The following POM121C variants were observed in gnomAD, a reference collection of about 807,000 sequenced individuals.
POM121C encodes the protein POM121 transmembrane nucleoporin C.
A neutral mutation model predicts 66.4 loss-of-function variants in POM121C; 20 were observed. The observed-to-expected ratio is 0.30, with a 90% CI of 0.21 to 0.44. The LOEUF is 0.44. Among genes scored for constraint, POM121C ranks in the 20% least tolerant of loss-of-function variants. POM121C has a pLI of 1.00. For synonymous variants in POM121C, 286 were observed against 528.0 expected, an observed-to-expected ratio of 0.54 and a Z score of 6.28; for missense variants, 580 against 1,225.7, an observed-to-expected ratio of 0.47 and a Z score of 7.87.
intron 3 of POM121C, chr7:75,442,004 C>A (rs1246762111): frequency 1.7e-6 from 1 of 580,572 alleles, no homozygotes; most frequent in Non-Finnish European, 3.0e-6. Flanking sequence ...ACGGCTGGCA[C>A]ACACCAAGGT....
intron 7 of POM121C, among the ~76,000 whole-genome samples, chr7:75,436,110 G>C (rs368814677): frequency 8.0e-5 from 12 of 150,866 alleles, no homozygotes; most frequent in African/African-American, 2.9e-4. Flanking sequence ...CAACATTTTT[G>C]GTGTAATACA....
Position 75,479,135 on chromosome 7 carries a change from TA to T in POM121C, c.-457-3948del, listed in dbSNP as rs1792206955. Among the ~76,000 whole-genome samples the T allele has an allele frequency of 2.6e-5, 4 of 152,134 alleles. No individual in the cohort carries two copies. The South Asian group carries it at 8.3e-4, about 32-fold the overall frequency. ...GAGAAAAATCCAGCAAAAACACCTTTAAAAGCAAAGACACAATGAAGACATT... is the reference window on the plus strand; with the variant it reads ...GAGAAAAATCCAGCAAAAACACCTTTAAAGCAAAGACACAATGAAGACATT... On this transcript the variant is annotated intron_variant, in intron 1 of 14. Coordinates refer to ENST00000615331, the MANE Select transcript of POM121C (RefSeq NM_001099415.3).
rs782477386 is a variant in POM121C at position 75,421,601 on chromosome 7, C to A, written c.2651G>T (p.Gly884Val). ...STATSTPFTG[G>V]LGQNALGTTG... ...GGTGCCCAGGGCGTTCTGACCTAAG[C>A]CCCCTGTGAAGGGGGTGGAGGTGGC... Residue 884 changes from glycine (G) to valine (V), a missense_variant, in exon 13 of 15, where the codon GGC becomes GTC. Physicochemically the swap from Gly to Val is moderately radical, Grantham distance 109 (BLOSUM62 -3). Coordinates refer to ENST00000615331, the MANE Select transcript of POM121C (RefSeq NM_001099415.3). 6.2e-7 allele frequency: 1 copy of A among 1,613,448 alleles called. No homozygotes were observed. The highest frequency in any genetic ancestry group is 1.7e-5 in the Admixed American group (1 of 60,004).
intron 3 of POM121C, among the ~76,000 whole-genome samples, chr7:75,468,733 T>C (rs1236318245): frequency 2.3e-4 from 35 of 152,258 alleles, no homozygotes; most frequent in African/African-American, 7.2e-4. Flanking sequence ...AAACTTAACA[T>C]GTGCAAAGCC....
rs199591870 is a variant in POM121C, at chr7:75,448,208, G to C, written c.-151-6561C>G. On this transcript the variant is annotated intron_variant, in intron 3 of 14. Transcript: ENST00000615331. ...GCCATAATTGTGCCACTGCATTCCA[G>C]CCTGGGTAACAGAGCGAGACTCTGT... 2.4e-4 allele frequency among the ~76,000 whole-genome samples: 37 copies of C among 152,048 alleles called. No homozygotes were observed. In the East Asian group the frequency reaches 7.1e-3, roughly 29 times the overall value.
chr7:75,446,915 A>G lies in POM121C; in HGVS notation c.-151-5268T>C, dbSNP rs1554474738. 3.5e-5 allele frequency among the ~76,000 whole-genome samples: 5 copies of G among 141,284 alleles called. No homozygotes were observed. In the South Asian group the frequency reaches 7.3e-4, roughly 21 times the overall value. 92.7% of individuals were successfully genotyped at this position (141,284 alleles called of 152,430 possible). On this transcript the variant is annotated intron_variant, in intron 3 of 14. Coordinates refer to ENST00000615331, the MANE Select transcript of POM121C (RefSeq NM_001099415.3). The stretch of plus-strand genomic sequence containing the variant: ...CCCAGCTACTCGGGAGGCTGAGGCA[A>G]GAGAATGGCGTGAACCCGGGAGGCG...
At chr7:75,459,218 A>C (rs1277567222) in intron 3 of POM121C, among the ~76,000 whole-genome samples, 1 of 152,176 alleles carries the variant, frequency 6.6e-6, no homozygotes, top group African/African-American at 2.4e-5. Context: ...ATAGAAAAAA[A>C]AACTGAACAA....
At chr7:75,432,213 A>G (rs1254595100) in intron 7 of POM121C, among the ~76,000 whole-genome samples, 3 of 151,076 alleles carry the variant, frequency 2.0e-5, no homozygotes, top group African/African-American at 7.3e-5. Context: ...AAGGTTAGCA[A>G]TATCTACTAA....
intron 3 of POM121C, among the ~76,000 whole-genome samples, chr7:75,461,297 T>G (rs1554476979): frequency 6.6e-6 from 1 of 152,096 alleles, no homozygotes; most frequent in Non-Finnish European, 1.5e-5. Context: ...ATACAATAAC[T>G]GAACACCATC....
intron 7 of POM121C, among the ~76,000 whole-genome samples, chr7:75,436,964 T>C (rs185200845): frequency 6.6e-6 from 1 of 152,336 alleles, no homozygotes; most frequent in Admixed American, 6.5e-5. Context: ...CAGCAAAGCC[T>C]GCTCTGTTCC....
intron 3 of POM121C, chr7:75,442,537 C>G (rs1790693623): frequency 3.4e-6 from 5 of 1,449,350 alleles, no homozygotes; most frequent in South Asian, 2.8e-5. Flanking sequence ...CCGCGGTAGT[C>G]CCCACGGCCA....
chr7:75,454,368 G>A (rs1163513874), intron 3 of POM121C, among the ~76,000 whole-genome samples: 2 of 152,270 alleles, frequency 1.3e-5, no homozygotes, highest in African/African-American at 4.8e-5. Context: ...AGGAATCAAT[G>A]AGACTGGATT....
intron 7 of POM121C, among the ~76,000 whole-genome samples, chr7:75,433,042 T>C (rs1790245079): frequency 1.3e-5 from 2 of 151,940 alleles, no homozygotes; most frequent in African/African-American, 4.8e-5. Context: ...AAGACCAGCA[T>C]GGCCAACATG....
rs1792540334 is a variant in POM121C, at chr7:75,486,186, G to T, written c.-780C>A. The T allele has an allele frequency of 3.3e-6, 1 of 303,844 alleles. No individual in the cohort carries two copies. The highest frequency in any genetic ancestry group is 4.9e-5 in the Admixed American group (1 of 20,282). The allele number at this position is 303,844 out of a possible 1,614,324, so 18.8% of individuals were successfully genotyped here. On this transcript the variant is annotated 5_prime_UTR_variant, in exon 1 of 15. Transcript: ENST00000615331. ...ACAGCTCCCGCCCGCCTAGGTGCTG[G>T]TCCGGGCGGTCAGCATCCAGCCCCG...
intron 3 of POM121C, among the ~76,000 whole-genome samples, chr7:75,453,872 G>A (rs1554476012): frequency 6.6e-6 from 1 of 152,138 alleles, no homozygotes. Context: ...TGTCAGCCAG[G>A]ACTTCAACTG....
At chr7:75,462,019 A>C (rs1429041688) in intron 3 of POM121C, among the ~76,000 whole-genome samples, 1 of 145,896 alleles carries the variant, frequency 6.9e-6, no homozygotes, top group Non-Finnish European at 1.5e-5. Flanking sequence ...TGTCTGAATC[A>C]ACTTCATGAG....
At chr7:75,480,852 A>C (rs1792280336) in intron 1 of POM121C, among the ~76,000 whole-genome samples, 1 of 152,018 alleles carries the variant, frequency 6.6e-6, no homozygotes, top group African/African-American at 2.4e-5. Flanking sequence ...GGAAATTGGC[A>C]AAACTGGAAA....
chr7:75,464,780 C>T (rs1412309298), intron 3 of POM121C, among the ~76,000 whole-genome samples: 2 of 98,070 alleles, frequency 2.0e-5, no homozygotes, highest in Non-Finnish European at 3.8e-5. Flanking sequence ...TGCTTGAACC[C>T]AGGAGACAGA....
intron 13 of POM121C, 158 bp downstream of exon 13, chr7:75,421,350 AC>A (rs1204939710): frequency 6.8e-7 from 1 of 1,474,660 alleles, no homozygotes; most frequent in African/African-American, 1.4e-5. Flanking sequence ...AGTCATTACT[AC>A]GTTAGCAAAA....
Sources: allele counts gnomAD v4.1 joint callset (sites outside exome capture counted in the v4.1 genomes callset), GRCh38; gene constraint gnomAD v4.1.1; transcripts MANE v1.5; gene names NCBI Gene and HGNC (gene_info 2026-07-23, HGNC 2026-07-21).